NOM1: variants seen among roughly 807,000 people sequenced by gnomAD.
NOM1 encodes nucleolar MIF4G domain-containing protein 1.
A neutral mutation model predicts 73.3 loss-of-function variants in NOM1; 58 were observed. The observed-to-expected ratio is 0.79, with a 90% confidence interval of 0.64 to 0.99. The LOEUF (loss-of-function observed/expected upper bound fraction) is 0.99. NOM1 is among the 50% of genes least tolerant of loss of function. The pLI is 0.00. For missense variants in NOM1, 1,226 were observed against 1,131.9 expected, an observed-to-expected ratio of 1.08 and a Z score of -1.19; for synonymous variants, 487 against 446.8, an observed-to-expected ratio of 1.09 and a Z score of -1.14.
rs552708576 is a variant in NOM1, at chr7:156,950,148, C to T, written c.411C>T (p.Asp137=). The change falls in exon 1 of 11, where the codon GAC becomes GAT. Residue 137 remains aspartate, a synonymous_variant. Transcript: ENST00000275820. ...GCGCCCGCCCAGCCCCTAGTCGGGA[C>T]CCCTCGCCTCCCAGGAAGCCGCGGC... ...EERARPAPSR[D]PSPPRKPRPS... 5.0e-4 allele frequency: 791 copies of T among 1,582,532 alleles called. 4 individuals carry two copies. The highest frequency in any genetic ancestry group is 4.7e-3 in the South Asian group (416 of 89,252).
Position 156,963,953 on chromosome 7 carries a change from G to C in NOM1, c.1960G>C (p.Asp654His), listed in dbSNP as rs775667123. The part of the protein sequence containing the change: ...ELARKQRMNT[D>H]IRRNIFCTIM... Reference sequence around the variant, plus strand: ...CGCCCGGAAGCAGAGGATGAACACAGACATCCGGAGAAACATATTCTGCAC... The same window carrying C: ...CGCCCGGAAGCAGAGGATGAACACACACATCCGGAGAAACATATTCTGCAC... Residue 654 changes from aspartate (D) to histidine (H), a missense_variant, in exon 7 of 11, where the codon GAC becomes CAC. By Grantham distance (81) the Asp-to-His change is moderately conservative (BLOSUM62 -1). Coordinates refer to ENST00000275820, the MANE Select transcript of NOM1 (RefSeq NM_138400.2). 2.5e-6 allele frequency: 4 copies of C among 1,614,124 alleles called. No homozygotes were observed. The highest frequency in any genetic ancestry group is 4.5e-5 in the East Asian group (2 of 44,892).
At chr7:156,956,371 G>A (rs1804727230) in intron 3 of NOM1, among the ~76,000 whole-genome samples, 1 of 152,172 alleles carries the variant, frequency 6.6e-6, no homozygotes, top group Admixed American at 6.5e-5. Flanking sequence ...CCTGTGTCCA[G>A]TCGTTAAGGT....
intron 3 of NOM1, among the ~76,000 whole-genome samples, chr7:156,957,598 AC>A: frequency 6.6e-6 from 1 of 151,942 alleles, no homozygotes; most frequent in East Asian, 1.9e-4. Context: ...ACATGGTGAA[AC>A]CCCGTTTCTA....
chr7:156,963,465 C>T, intron 6 of NOM1: 3 of 492,468 alleles, frequency 6.1e-6, no homozygotes, highest in Non-Finnish European at 7.4e-6. Context: ...GTTGCTGAGA[C>T]CCCTCAGGCT....
intron 3 of NOM1, among the ~76,000 whole-genome samples, chr7:156,954,712 G>A (rs963828605): frequency 1.3e-5 from 2 of 151,940 alleles, no homozygotes; most frequent in African/African-American, 4.8e-5. Flanking sequence ...TCACTCTGTT[G>A]CCCAGGCTGG....
chr7:156,951,757 G>A (rs975545754), intron 1 of NOM1, among the ~76,000 whole-genome samples: 2 of 151,930 alleles, frequency 1.3e-5, no homozygotes, highest in African/African-American at 4.8e-5. Flanking sequence ...GTCTAGGCTG[G>A]AGTAGAGTGG....
Position 156,964,037 on chromosome 7 carries a change from G to T in NOM1, c.2033+11G>T, listed in dbSNP as rs747852442. On this transcript the variant is annotated intron_variant, in intron 7 of 10. Transcript: ENST00000275820. ...TGAAAAGCTTCTGAAGTAAGCATTT[G>T]TGTGCACATTTTGACCTATTAATGA... is the stretch of plus-strand genomic sequence containing the variant. 1.2e-6 allele frequency: 2 copies of T among 1,610,220 alleles called. No individual in the cohort carries two copies. The highest frequency in any genetic ancestry group is 2.2e-5 in the East Asian group (1 of 44,846).
rs1051512260 is a variant in NOM1 at position 156,949,831 on chromosome 7, C to G, written c.94C>G (p.Arg32Gly). ...GCGCAGAGGCGGGCGCGGGCCGCGC[C>G]GCGGTCCTGCTGGCGGTGGGGAGAA... Reference protein sequence around the residue: ...MKRRGGRGPRRGPAGGGEKAL... With the variant: ...MKRRGGRGPRGGPAGGGEKAL... The change falls in exon 1 of 11, where the codon CGC becomes GGC. Residue 32 changes from arginine to glycine, a missense_variant. Arg to Gly is a moderately radical substitution (Grantham distance 125, BLOSUM62 -2). Transcript: ENST00000275820. 5 of 1,449,824 alleles carry G rather than the reference C, an allele frequency of 3.4e-6. No homozygotes were observed. In the African/African-American group the frequency reaches 5.8e-5, roughly 17 times the overall value. The allele number at this position is 1,449,824 out of a possible 1,614,324, so 89.8% of individuals were successfully genotyped here.
At chr7:156,954,045 G>T (rs1804657839) in intron 2 of NOM1, 58 bp from the exon 3 acceptor site, 1 of 1,466,694 alleles carries the variant, frequency 6.8e-7, no homozygotes, top group Non-Finnish European at 9.3e-7. Flanking sequence ...TTTTAAAATT[G>T]AACTGAAAAT....
At chr7:156,968,356 T>A (rs889989865) in intron 9 of NOM1, among the ~76,000 whole-genome samples, 1 of 152,142 alleles carries the variant, frequency 6.6e-6, no homozygotes, top group African/African-American at 2.4e-5. Flanking sequence ...GCTGCTCTCA[T>A]TCCGAGTTTC....
chr7:156,952,608 T>C lies in NOM1; in HGVS notation c.1112+10T>C. ...AAGGTCTACTTAACAGGTGACCTTGTAGTGTTGTTACACTGTGTCACTTAG... is the reference window on the plus strand; with the variant it reads ...AAGGTCTACTTAACAGGTGACCTTGCAGTGTTGTTACACTGTGTCACTTAG... On this transcript the variant is annotated intron_variant, in intron 2 of 10. Coordinates refer to ENST00000275820, the MANE Select transcript of NOM1 (RefSeq NM_138400.2). 1.2e-6 allele frequency: 2 copies of C among 1,611,000 alleles called. No individual in the cohort carries two copies. The highest frequency in any genetic ancestry group is 1.7e-6 in the Non-Finnish European group (2 of 1,179,220).
Position 156,969,017 on chromosome 7 carries a change from A to G in NOM1, c.2299-70A>G, listed in dbSNP as rs1805074840. 4.8e-6 allele frequency: 4 copies of G among 826,378 alleles called. No individual in the cohort carries two copies. The East Asian group carries it at 7.3e-5, about 15-fold the overall frequency. 51.2% of individuals were successfully genotyped at this position (826,378 alleles called of 1,614,324 possible). A position where few individuals can be genotyped will look rare whatever the true frequency, so the allele number is the denominator to read the frequency against. ...AGATTAATTTTTACTCTAATTAACT[A>G]TATTACAAATCATTGAAAAAGTTGG... On this transcript the variant is annotated intron_variant, in intron 9 of 10. Transcript: ENST00000275820.
chr7:156,960,829 CAGG>C (rs1411039008), intron 4 of NOM1, among the ~76,000 whole-genome samples: 1 of 152,090 alleles, frequency 6.6e-6, no homozygotes, highest in Non-Finnish European at 1.5e-5. Flanking sequence ...TGGTCGAAGT[CAGG>C]AGGAGTTTTG....
chr7:156,966,100 G>A (rs549894198), intron 7 of NOM1, 170 bp from the exon 8 acceptor site: 6 of 731,750 alleles, frequency 8.2e-6, no homozygotes, highest in Non-Finnish European at 1.4e-5. Context: ...GACCAGAGAG[G>A]TTGTGACAGG....
rs1318728944 is a variant in NOM1 at position 156,949,963 on chromosome 7, C to T, written c.226C>T (p.Pro76Ser). ...GCGCGGCGCCCCGGTGAGCTTTCGC[C>T]CGGGAGGGAGAAAAAGCCGTAAGGA... is the stretch of plus-strand genomic sequence containing the variant. ...EGRGAPVSFR[P>S]GGRKSRKELR... The change falls in exon 1 of 11, where the codon CCG (proline) becomes TCG (serine). Residue 76 changes from proline to serine, a missense_variant. Pro to Ser is a moderately conservative substitution (Grantham distance 74, BLOSUM62 -1). Coordinates refer to ENST00000275820, the MANE Select transcript of NOM1 (RefSeq NM_138400.2). 6 of 1,540,830 alleles carry T rather than the reference C, an allele frequency of 3.9e-6. No individual in the cohort carries two copies. In the South Asian group the frequency reaches 5.9e-5, roughly 15 times the overall value.
chr7:156,967,791 A>C (rs6943879), intron 9 of NOM1, among the ~76,000 whole-genome samples: 1 of 151,888 alleles, frequency 6.6e-6, no homozygotes, highest in African/African-American at 2.4e-5. Context: ...CCAAAGTGCT[A>C]ATATTACAGG....
chr7:156,969,623 G>A lies in NOM1; in HGVS notation c.2503G>A (p.Ala835Thr), dbSNP rs376979508. Reference protein sequence around the residue: ...LLKNAQAHRSADEANVLREKA... With the variant: ...LLKNAQAHRSTDEANVLREKA... Reference sequence around the variant, plus strand: ...AAAGAACGCACAGGCCCACAGAAGCGCCGACGAAGCCAACGTGCTGAGAGA... The same window carrying A: ...AAAGAACGCACAGGCCCACAGAAGCACCGACGAAGCCAACGTGCTGAGAGA... Residue 835 changes from alanine (A) to threonine (T), a missense_variant, in exon 11 of 11, where the codon GCC becomes ACC. Ala to Thr is a moderately conservative substitution (Grantham distance 58). Coordinates refer to ENST00000275820, the MANE Select transcript of NOM1 (RefSeq NM_138400.2). 5 of 1,614,038 alleles carry A rather than the reference G, an allele frequency of 3.1e-6. No individual in the cohort carries two copies. Among genetic ancestry groups the A allele is most frequent in the South Asian group, 1.1e-5 (1 of 91,082 alleles).
intron 9 of NOM1, among the ~76,000 whole-genome samples, chr7:156,968,575 C>T (rs1015113195): frequency 6.6e-6 from 1 of 151,774 alleles, no homozygotes; most frequent in Non-Finnish European, 1.5e-5. Context: ...CTACTGTATA[C>T]GTATGCCTCA....
intron 3 of NOM1, among the ~76,000 whole-genome samples, chr7:156,956,291 G>C (rs1309420818): frequency 6.6e-6 from 1 of 152,118 alleles, no homozygotes; most frequent in African/African-American, 2.4e-5. Context: ...TGGAGATGCT[G>C]CCTGAGTACA....
Sources: allele counts gnomAD v4.1 joint callset (sites outside exome capture counted in the v4.1 genomes callset), GRCh38; gene constraint gnomAD v4.1.1; transcripts MANE v1.5; gene names NCBI Gene and HGNC (gene_info 2026-07-23, HGNC 2026-07-21).